The following DUSP22 variants were observed in gnomAD, a reference collection of about 807,000 sequenced individuals.
The protein encoded by DUSP22 is dual specificity phosphatase 22, also known as dual specificity protein phosphatase 22.
A neutral mutation model predicts 24.5 loss-of-function variants in DUSP22; 24 were observed. The ratio of observed to expected loss-of-function variants is 0.98; its 90% CI spans 0.71 to 1.38. DUSP22 has a LOEUF of 1.38. Among genes scored for constraint, DUSP22 ranks in the 40% most tolerant of loss-of-function variants. The probability of loss-of-function intolerance (pLI) is 0.00; values close to 1 mark genes in which losing one functional copy is unlikely to be tolerated. For missense variants in DUSP22, 330 were observed against 269.2 expected, an observed-to-expected ratio of 1.23 and a Z score of -1.58; for synonymous variants, 160 against 106.4, an observed-to-expected ratio of 1.50 and a Z score of -3.10.
chr6:311,333 A>G (rs980100097), intron 2 of DUSP22, among the ~76,000 whole-genome samples: 1 of 152,294 alleles, frequency 6.6e-6, no homozygotes, highest in Non-Finnish European at 1.5e-5. Context: ...CTTCTTCCTC[A>G]TAGAAAGTTT....
chr6:342,978 C>T (rs1272660236), intron 4 of DUSP22, among the ~76,000 whole-genome samples: 3 of 152,310 alleles, frequency 2.0e-5, no homozygotes, highest in African/African-American at 7.2e-5. Flanking sequence ...TCCCAGCTGG[C>T]TACCCAGCTC....
chr6:307,191 A>G (rs1390591702), intron 2 of DUSP22, among the ~76,000 whole-genome samples: 8 of 152,300 alleles, frequency 5.3e-5, no homozygotes, highest in African/African-American at 1.9e-4. Context: ...AATTACGAGT[A>G]ATATGTGCCT....
chr6:346,408 C>T (rs1292763392), intron 5 of DUSP22, among the ~76,000 whole-genome samples: 2 of 152,062 alleles, frequency 1.3e-5, no homozygotes, highest in Non-Finnish European at 2.9e-5. Context: ...TGTCTGTTTG[C>T]ATCCTGCTAT....
chr6:316,924 AT>A lies in DUSP22; in HGVS notation c.138+4966del, dbSNP rs1161604973. Among the ~76,000 whole-genome samples, 3 of 152,424 alleles carry A rather than the reference AT, an allele frequency of 2.0e-5. No individual in the cohort carries two copies. The South Asian group carries it at 6.2e-4, about 32-fold the overall frequency. Reference sequence around the variant, plus strand: ...GGTATTGTATGTATATACCAGGTAGATTTTATGAGCTAGAGTTCAGCTTGGA... The same window carrying A: ...GGTATTGTATGTATATACCAGGTAGATTTATGAGCTAGAGTTCAGCTTGGA... On this transcript the variant is annotated intron_variant, in intron 3 of 6. Coordinates refer to ENST00000419235, the MANE Select transcript of DUSP22 (RefSeq NM_001286555.3).
chr6:310,809 T>G (rs1758050642), intron 2 of DUSP22, among the ~76,000 whole-genome samples: 1 of 152,430 alleles, frequency 6.6e-6, no homozygotes, highest in South Asian at 2.1e-4. Context: ...TTACAAATGC[T>G]AACTACAAAA....
chr6:327,002 T>C (rs1435624504), intron 3 of DUSP22, among the ~76,000 whole-genome samples: 1 of 152,308 alleles, frequency 6.6e-6, no homozygotes, highest in Non-Finnish European at 1.5e-5. Context: ...TATTTGGGGC[T>C]TTGGGGACTT....
chr6:351,009 T>G lies in DUSP22; in HGVS notation c.*2058T>G. 8.2e-7 allele frequency: 1 copy of G among 1,216,362 alleles called. No individual in the cohort carries two copies. The highest frequency in any genetic ancestry group is 1.2e-6 in the Non-Finnish European group (1 of 843,434). 75.3% of individuals were successfully genotyped at this position (1,216,362 alleles called of 1,614,324 possible). A position where few individuals can be genotyped will look rare whatever the true frequency, so the allele number is the denominator to read the frequency against. On this transcript the variant is annotated 3_prime_UTR_variant, in exon 7 of 7. Coordinates refer to ENST00000419235, the MANE Select transcript of DUSP22 (RefSeq NM_001286555.3). ...TTGAAGCTGAATATATACGTAGTCA[T>G]GTTTATGTTGAGAACTAAGGATATT...
At chr6:298,236 T>A (rs1051145976) in intron 1 of DUSP22, among the ~76,000 whole-genome samples, 151 of 152,340 alleles carry the variant, frequency 9.9e-4, no homozygotes, top group Non-Finnish European at 1.2e-3. Flanking sequence ...CCTTTTTATA[T>A]GCAAACTGGT....
rs779381379 is a variant in DUSP22 at position 350,891 on chromosome 6, T to A, written c.*1940T>A. The A allele has an allele frequency of 6.2e-7, 1 of 1,614,084 alleles. No individual in the cohort carries two copies. Among genetic ancestry groups the A allele is most frequent in the Non-Finnish European group, 8.5e-7 (1 of 1,179,872 alleles). On this transcript the variant is annotated 3_prime_UTR_variant, in exon 7 of 7. Transcript: ENST00000419235. ...TAATGTACCTGAAGTTTCTGAAATA[T>A]TGCAAACCCACAGAGTTTAGGCTGG...
At chr6:312,911 C>T (rs1166814230) in intron 3 of DUSP22, among the ~76,000 whole-genome samples, 1 of 151,716 alleles carries the variant, frequency 6.6e-6, no homozygotes, top group Non-Finnish European at 1.5e-5. Context: ...GAACAAACCT[C>T]AATTAATTTC....
chr6:351,009 T>A lies in DUSP22; in HGVS notation c.*2058T>A. On this transcript the variant is annotated 3_prime_UTR_variant, in exon 7 of 7. Coordinates refer to ENST00000419235, the MANE Select transcript of DUSP22 (RefSeq NM_001286555.3). ...TTGAAGCTGAATATATACGTAGTCA[T>A]GTTTATGTTGAGAACTAAGGATATT... is the stretch of plus-strand genomic sequence containing the variant. 8.2e-7 allele frequency: 1 copy of A among 1,216,362 alleles called. No homozygotes were observed. The highest frequency in any genetic ancestry group is 1.2e-6 in the Non-Finnish European group (1 of 843,434). 75.3% of individuals were successfully genotyped at this position (1,216,362 alleles called of 1,614,324 possible).
At chr6:300,281 TTCGGGC>T (rs1348691023) in intron 1 of DUSP22, among the ~76,000 whole-genome samples, 13 of 152,300 alleles carry the variant, frequency 8.5e-5, no homozygotes, top group Non-Finnish European at 1.9e-4. Flanking sequence ...GGAGAATGCC[TTCGGGC>T]TCGGGCTCAG....
At chr6:317,247 A>G (rs1367668247) in intron 3 of DUSP22, among the ~76,000 whole-genome samples, 1 of 152,310 alleles carries the variant, frequency 6.6e-6, no homozygotes, top group Non-Finnish European at 1.5e-5. Context: ...TCCCCGGGTC[A>G]GTGCCCAGCG....
chr6:329,586 G>A (rs1759049584), intron 3 of DUSP22, among the ~76,000 whole-genome samples: 1 of 152,302 alleles, frequency 6.6e-6, no homozygotes, highest in South Asian at 2.1e-4. Context: ...CTGAGTAGCT[G>A]GGATTACAAG....
intron 2 of DUSP22, among the ~76,000 whole-genome samples, chr6:311,245 A>G (rs543862087): frequency 2.6e-4 from 39 of 152,402 alleles, no homozygotes; most frequent in African/African-American, 8.9e-4. Context: ...CAAGGTAACC[A>G]TTTAGCTCAA....
intron 4 of DUSP22, among the ~76,000 whole-genome samples, chr6:338,240 A>C (rs1403917625): frequency 6.6e-6 from 1 of 152,306 alleles, no homozygotes; most frequent in East Asian, 1.9e-4. Context: ...GCTGTACTAA[A>C]GTTATGTGGA....
chr6:300,244 G>T (rs1386647255), intron 1 of DUSP22, among the ~76,000 whole-genome samples: 2 of 152,308 alleles, frequency 1.3e-5, no homozygotes, highest in Admixed American at 1.3e-4. Context: ...TTGCACCGTG[G>T]TCACTTCCTT....
At chr6:339,717 G>A (rs1314856940) in intron 4 of DUSP22, among the ~76,000 whole-genome samples, 2 of 152,302 alleles carry the variant, frequency 1.3e-5, no homozygotes, top group East Asian at 3.8e-4. Flanking sequence ...GCAATACAGA[G>A]AGCCTATATT....
intron 1 of DUSP22, among the ~76,000 whole-genome samples, chr6:295,814 A>C (rs1757301254): frequency 6.6e-6 from 1 of 152,230 alleles, no homozygotes; most frequent in South Asian, 2.1e-4. Context: ...AAAAAAAAAA[A>C]AAAACCCAAC....
Sources: gnomAD v4.1 joint callset for allele counts (sites outside exome capture counted in the v4.1 genomes callset) on GRCh38, gnomAD v4.1.1 for gene constraint, MANE v1.5 for transcripts, NCBI Gene and HGNC (gene_info 2026-07-23, HGNC 2026-07-21) for gene names.